Variants in ADAMTS14 observed in about 807,000 individuals in gnomAD.
The protein encoded by ADAMTS14 is A disintegrin and metalloproteinase with thrombospondin motifs 14.
A neutral mutation model predicts 128.6 loss-of-function variants in ADAMTS14; 100 were observed. That is an observed-to-expected ratio of 0.78 (90% CI 0.66 to 0.92). The LOEUF is 0.92. ADAMTS14 is among the 40% of genes least tolerant of loss of function. The pLI, the probability that ADAMTS14 is intolerant of heterozygous loss-of-function variation, is 0.00. For synonymous variants in ADAMTS14, 665 were observed against 653.8 expected, an observed-to-expected ratio of 1.02 and a Z score of -0.26; for missense variants, 1,562 against 1,658.6, an observed-to-expected ratio of 0.94 and a Z score of 1.01.
intron 10 of ADAMTS14, among the ~76,000 whole-genome samples, chr10:70,737,123 C>A (rs1841851507): frequency 6.6e-6 from 1 of 152,168 alleles, no homozygotes; most frequent in Admixed American, 6.5e-5. Context: ...GATTAAGGAA[C>A]TTTATGGGGT....
chr10:70,706,157 C>T (rs1327847356), intron 3 of ADAMTS14, among the ~76,000 whole-genome samples: 1 of 152,102 alleles, frequency 6.6e-6, no homozygotes, highest in African/African-American at 2.4e-5. Flanking sequence ...GCTGGAGCCC[C>T]CCCACAGCAT....
intron 3 of ADAMTS14, among the ~76,000 whole-genome samples, chr10:70,702,974 C>T (rs1840543714): frequency 3.9e-5 from 6 of 152,160 alleles, no homozygotes; most frequent in Admixed American, 3.9e-4. Flanking sequence ...GATTTCTGAG[C>T]CCTCATTTTC....
intron 15 of ADAMTS14, among the ~76,000 whole-genome samples, chr10:70,749,608 A>AGTGTGTGTGTGTGTGT (rs72483126): frequency 5.1e-4 from 76 of 147,764 alleles, no homozygotes; most frequent in Non-Finnish European, 9.1e-4. Flanking sequence ...AGGCAGCAAG[A>AGTGTGTGTGTGTGTGT]GTGTGTGTGT....
At chr10:70,684,631 C>T (rs1456624185) in intron 2 of ADAMTS14, among the ~76,000 whole-genome samples, 1 of 152,276 alleles carries the variant, frequency 6.6e-6, no homozygotes, top group Non-Finnish European at 1.5e-5. Context: ...AGAAATTATG[C>T]ACTTAAAGTG....
At chr10:70,676,122 A>G (rs1438971324) in intron 2 of ADAMTS14, among the ~76,000 whole-genome samples, 1 of 144,982 alleles carries the variant, frequency 6.9e-6, no homozygotes, top group Non-Finnish European at 1.5e-5. Context: ...AGTCTACCCC[A>G]CGATGAGGTT....
rs534446244 is a variant in ADAMTS14 at position 70,761,054 on chromosome 10, C to T, written c.*201C>T. 11 of 800,652 alleles carry T rather than the reference C, an allele frequency of 1.4e-5. No individual in the cohort carries two copies. Among genetic ancestry groups the T allele is most frequent in the East Asian group, 5.7e-5 (2 of 35,064 alleles). 49.6% of individuals were successfully genotyped at this position (800,652 alleles called of 1,614,324 possible). On this transcript the variant is annotated 3_prime_UTR_variant, in exon 22 of 22. Coordinates refer to ENST00000373207, the MANE Select transcript of ADAMTS14 (RefSeq NM_080722.4). Reference sequence around the variant, plus strand: ...GACAAAGATCAGGGAAAGCCCTAATCGGAGATACCTCAGCAAGCTGCCCCC... The same window carrying T: ...GACAAAGATCAGGGAAAGCCCTAATTGGAGATACCTCAGCAAGCTGCCCCC...
intron 4 of ADAMTS14, among the ~76,000 whole-genome samples, chr10:70,709,247 C>T (rs1840762834): frequency 6.6e-6 from 1 of 152,046 alleles, no homozygotes; most frequent in African/African-American, 2.4e-5. Flanking sequence ...GTCCTGAGAC[C>T]CTGACGTTGG....
chr10:70,744,337 A>G (rs998248796), intron 14 of ADAMTS14, 148 bp downstream of exon 14: 2 of 1,172,068 alleles, frequency 1.7e-6, no homozygotes, highest in African/African-American at 3.2e-5. Flanking sequence ...TGGGCTGCCC[A>G]GGCTGGTGAG....
chr10:70,738,959 C>A lies in ADAMTS14; in HGVS notation c.1717C>A (p.Arg573=). The part of the protein sequence containing the change: ...SCSRSCGGGV[R]SRSRSCNNPS... ...TTCGCGGTCATGTGGGGGCGGGGTG[C>A]GATCCCGCAGCCGGAGCTGCAACAA... The change falls in exon 11 of 22, where the codon CGA becomes AGA. Residue 573 remains arginine, a synonymous_variant. Transcript: ENST00000373207. 1 of 1,612,560 alleles carries A rather than the reference C, an allele frequency of 6.2e-7. No individual in the cohort carries two copies. Among genetic ancestry groups the A allele is most frequent in the Non-Finnish European group, 8.5e-7 (1 of 1,179,128 alleles).
rs567367735 is a variant in ADAMTS14 at position 70,724,392 on chromosome 10, A to G, written c.871-4902A>G. Reference sequence around the variant, plus strand: ...TAGCCATCCTGTCTCGTGCCCAACCATGGGAAGCGATCCGTGATCTCCCCT... The same window carrying G: ...TAGCCATCCTGTCTCGTGCCCAACCGTGGGAAGCGATCCGTGATCTCCCCT... On this transcript the variant is annotated intron_variant, in intron 4 of 21. Coordinates refer to ENST00000373207, the MANE Select transcript of ADAMTS14 (RefSeq NM_080722.4). Among the ~76,000 whole-genome samples, 306 of 152,252 alleles carry G rather than the reference A, an allele frequency of 2.0e-3. 1 individual carries two copies. Among genetic ancestry groups the G allele is most frequent in the Non-Finnish European group, 3.0e-3 (203 of 68,000 alleles).
chr10:70,706,308 G>A (rs184245790), intron 3 of ADAMTS14, among the ~76,000 whole-genome samples: 6 of 152,344 alleles, frequency 3.9e-5, no homozygotes, highest in Non-Finnish European at 7.3e-5. Flanking sequence ...AAGCTGCTGC[G>A]TGACCTAGGG....
intron 3 of ADAMTS14, among the ~76,000 whole-genome samples, chr10:70,704,906 C>G (rs1225499792): frequency 6.6e-6 from 1 of 151,848 alleles, no homozygotes; most frequent in Non-Finnish European, 1.5e-5. Flanking sequence ...ATGCTTATAC[C>G]CACCCGCACT....
chr10:70,707,599 C>T (rs1840706109), intron 3 of ADAMTS14, among the ~76,000 whole-genome samples: 1 of 152,200 alleles, frequency 6.6e-6, no homozygotes, highest in African/African-American at 2.4e-5. Context: ...AGTTGTTACC[C>T]TTCTACGTGG....
At chr10:70,732,463 T>A in intron 7 of ADAMTS14, 104 bp downstream of exon 7, 12 of 992,664 alleles carry the variant, frequency 1.2e-5, no homozygotes, top group Non-Finnish European at 1.8e-5. Context: ...GGTTCCAGTG[T>A]CCTGGGAGGT....
intron 4 of ADAMTS14, among the ~76,000 whole-genome samples, chr10:70,722,567 G>A (rs1334068680): frequency 1.3e-5 from 2 of 152,158 alleles, no homozygotes; most frequent in Admixed American, 6.5e-5. Context: ...TTGGAGAAAT[G>A]GCTGACTCTG....
At chr10:70,734,559 A>G (rs1841763916) in intron 8 of ADAMTS14, among the ~76,000 whole-genome samples, 1 of 151,702 alleles carries the variant, frequency 6.6e-6, no homozygotes, top group Non-Finnish European at 1.5e-5. Flanking sequence ...TCCTCTCCCC[A>G]CTCCCATCCT....
Position 70,743,531 on chromosome 10 carries a change from A to C in ADAMTS14, c.1925-17A>C. 6.2e-7 allele frequency: 1 copy of C among 1,609,430 alleles called. No individual in the cohort carries two copies. The highest frequency in any genetic ancestry group is 1.3e-5 in the African/African-American group (1 of 74,792). ...CTGAGCCCAGCTGGGGACTCAGCAT[A>C]GTCCCTCTCCCTACAGACGCCCAGA... On this transcript the variant is annotated splice_polypyrimidine_tract_variant and intron_variant, in intron 12 of 21. Coordinates refer to ENST00000373207, the MANE Select transcript of ADAMTS14 (RefSeq NM_080722.4).
chr10:70,746,739 T>A (rs997944785), intron 15 of ADAMTS14, among the ~76,000 whole-genome samples: 8 of 151,764 alleles, frequency 5.3e-5, no homozygotes, highest in Non-Finnish European at 1.2e-4. Context: ...TCAAAAAAAA[T>A]TTTTTTTTCA....
chr10:70,694,803 T>C (rs1430371215), intron 2 of ADAMTS14, among the ~76,000 whole-genome samples: 1 of 152,262 alleles, frequency 6.6e-6, no homozygotes, highest in Admixed American at 6.5e-5. Flanking sequence ...GCATTTGGCT[T>C]GTTTCCATCT....
Sources: allele counts gnomAD v4.1 joint callset (sites outside exome capture counted in the v4.1 genomes callset), GRCh38; gene constraint gnomAD v4.1.1; transcripts MANE v1.5; gene names NCBI Gene and HGNC (gene_info 2026-07-23, HGNC 2026-07-21).